PHKA2: variants seen among roughly 807,000 people sequenced by gnomAD.
PHKA2 encodes phosphorylase kinase regulatory subunit alpha 2, also known as phosphorylase b kinase regulatory subunit alpha, liver isoform.
A neutral mutation model predicts 102.0 loss-of-function variants in PHKA2; 31 were observed. The ratio of observed to expected loss-of-function variants is 0.30; its 90% CI spans 0.23 to 0.41. The LOEUF (loss-of-function observed/expected upper bound fraction) is 0.41, where lower values mean the gene tolerates loss of function less well. Among genes scored for constraint, PHKA2 ranks in the 10% least tolerant of loss-of-function variants. The pLI is 1.00. For missense variants in PHKA2, 858 were observed against 1,023.1 expected, an observed-to-expected ratio of 0.84 and a Z score of 2.20; for synonymous variants, 455 against 416.2, an observed-to-expected ratio of 1.09 and a Z score of -1.13.
chrX:18,912,871 A>AT (rs2147875297), intron 19 of PHKA2, among the ~76,000 whole-genome samples: 1 of 110,928 alleles, frequency 9.0e-6, no homozygotes, highest in Non-Finnish European at 1.9e-5. Flanking sequence ...AGATCATGCC[A>AT]TTGCACTCCA....
intron 7 of PHKA2, among the ~76,000 whole-genome samples, chrX:18,942,522 A>G (rs966666901): frequency 2.7e-5 from 3 of 111,297 alleles, no homozygotes; most frequent in African/African-American, 9.8e-5. Context: ...AAGCTCACGC[A>G]TTTCCACTGG....
chrX:18,942,749 G>A (rs756254342), intron 7 of PHKA2, among the ~76,000 whole-genome samples: 93 of 109,396 alleles, frequency 8.5e-4, no homozygotes, highest in Non-Finnish European at 4.4e-4. Flanking sequence ...TTGGGAAGCT[G>A]AGGCGGGAGG....
intron 19 of PHKA2, 71 bp from the exon 20 acceptor site, chrX:18,911,031 A>AGTGAG: frequency 4.6e-6 from 3 of 656,809 alleles, no homozygotes; most frequent in Non-Finnish European, 7.2e-6. Context: ...TTTGAGACAG[A>AGTGAG]ATCTCACTCT....
At chrX:18,902,478 C>T (rs759928004) in intron 26 of PHKA2, among the ~76,000 whole-genome samples, 2 of 108,874 alleles carry the variant, frequency 1.8e-5, no homozygotes, top group East Asian at 6.1e-4. Flanking sequence ...TAAAACATAC[C>T]CGGCCAGGCG....
chrX:18,915,671 T>A (rs891499693), intron 19 of PHKA2: 2 of 109,035 alleles, frequency 1.8e-5, no homozygotes, highest in East Asian at 5.9e-4. Context: ...AGCCACTGCG[T>A]CTGGCCAAGA....
chrX:18,972,760 C>T (rs1282347355), intron 1 of PHKA2, among the ~76,000 whole-genome samples: 2 of 111,724 alleles, frequency 1.8e-5, no homozygotes, highest in East Asian at 5.6e-4. Context: ...ACTCTAGTTC[C>T]AGTCACTTTG....
intron 5 of PHKA2, among the ~76,000 whole-genome samples, chrX:18,947,741 A>G (rs751793825): frequency 8.9e-6 from 1 of 112,655 alleles, no homozygotes; most frequent in Non-Finnish European, 1.9e-5. Flanking sequence ...CTGTAAAAAC[A>G]TGGGACCAAC....
chrX:18,918,841 T>A lies in PHKA2; in HGVS notation c.1977A>T (p.Glu659Asp). ...GAAGGTGGTTGATATAATGGTCAAGTTCGTCTTGGCTTTCTGTAATTGGAC... is the reference window on the plus strand; with the variant it reads ...GAAGGTGGTTGATATAATGGTCAAGATCGTCTTGGCTTTCTGTAATTGGAC... ...EDTCNQESQDELDHYINHLLQ... is the reference protein window; with the variant it reads ...EDTCNQESQDDLDHYINHLLQ... Residue 659 changes from glutamate to aspartate, a missense_variant, in exon 19 of 33, where the codon GAA (glutamate) becomes GAT (aspartate). Physicochemically the swap from Glu to Asp is conservative, Grantham distance 45. This residue lies in a region of PHKA2 where 671 missense variants were observed against 745.2 expected (regional missense o/e 0.90). Coordinates refer to ENST00000379942, the MANE Select transcript of PHKA2 (RefSeq NM_000292.3). 4 of 1,210,852 alleles carry A rather than the reference T, an allele frequency of 3.3e-6. No individual in the cohort carries two copies. Among genetic ancestry groups the A allele is most frequent in the Non-Finnish European group, 4.5e-6 (4 of 894,839 alleles).
intron 3 of PHKA2, 21 bp downstream of exon 3, chrX:18,952,473 A>T: frequency 4.2e-6 from 5 of 1,195,662 alleles, no homozygotes; most frequent in Non-Finnish European, 5.7e-6. Flanking sequence ...CTTGGCAAAC[A>T]CGTGTGTGGG....
chrX:18,967,438 G>C (rs896321240), intron 1 of PHKA2, among the ~76,000 whole-genome samples: 4 of 111,024 alleles, frequency 3.6e-5, no homozygotes, highest in Admixed American at 2.9e-4. Context: ...TTGGAGAGGA[G>C]AGTCTGAAAG....
intron 5 of PHKA2, among the ~76,000 whole-genome samples, chrX:18,946,323 G>A (rs773714683): frequency 4.0e-4 from 45 of 111,210 alleles, no homozygotes; most frequent in African/African-American, 1.4e-3. Flanking sequence ...TTCTTCCCTT[G>A]AGCACTCTTC....
At chrX:18,929,933 C>T (rs1569312666) in intron 12 of PHKA2, among the ~76,000 whole-genome samples, 1 of 112,172 alleles carries the variant, frequency 8.9e-6, no homozygotes, top group Non-Finnish European at 1.9e-5. Context: ...TCATAAGGGC[C>T]CCACTCTAGG....
Position 18,941,582 on chromosome X carries a change from C to T in PHKA2, c.811G>A (p.Glu271Lys). ...GTCACATTTACAAGGTTTACATCTT[C>T]CACTGCAAAGGCCGGGAAGGAAATA... ...SIISFPAFAVEDVNLVNVTKN... is the reference protein window; with the variant it reads ...SIISFPAFAVKDVNLVNVTKN... Residue 271 changes from glutamate to lysine, a missense_variant, in exon 8 of 33, where the codon GAA becomes AAA. Glu to Lys is a moderately conservative substitution (Grantham distance 56). Transcript: ENST00000379942. The T allele has an allele frequency of 1.7e-6, 2 of 1,199,636 alleles. No individual in the cohort carries two copies. The highest frequency in any genetic ancestry group is 2.3e-6 in the Non-Finnish European group (2 of 884,224).
At chrX:18,970,705 T>C (rs2049007790) in intron 1 of PHKA2, among the ~76,000 whole-genome samples, 1 of 112,169 alleles carries the variant, frequency 8.9e-6, no homozygotes, top group Non-Finnish European at 1.9e-5. Context: ...ATTGCTTCAG[T>C]TTCACCATCT....
intron 2 of PHKA2, among the ~76,000 whole-genome samples, chrX:18,953,382 C>G (rs973635897): frequency 2.7e-5 from 3 of 111,793 alleles, no homozygotes; most frequent in Non-Finnish European, 5.6e-5. Context: ...TTGGATAACA[C>G]CAATTTGGTT....
intron 27 of PHKA2, 57 bp downstream of exon 27, chrX:18,901,428 G>A: frequency 1.3e-6 from 1 of 775,327 alleles, no homozygotes; most frequent in Non-Finnish European, 2.0e-6. Context: ...GCTTTCTGGG[G>A]TAAGCCCAGG....
chrX:18,946,624 C>T (rs1339491363), intron 5 of PHKA2, among the ~76,000 whole-genome samples: 1 of 109,734 alleles, frequency 9.1e-6, no homozygotes, highest in African/African-American at 3.3e-5. Flanking sequence ...TTCCTCTGTA[C>T]CCTTTTCCTC....
chrX:18,907,026 G>T lies in PHKA2; in HGVS notation c.2589C>A (p.Ile863=). The part of the protein sequence containing the change: ...VGLPPEPREK[I]ISAPLPPEEL... ...CAAGGCTGAGGACTTACGCAGAGAT[G>T]ATCTTCTCCCGGGGCTCGGGCGGCA... is the stretch of plus-strand genomic sequence containing the variant. The change falls in exon 23 of 33, where the codon ATC becomes ATA. Residue 863 remains isoleucine, a synonymous_variant. Transcript: ENST00000379942. 1 of 1,196,336 alleles carries T rather than the reference G, an allele frequency of 8.4e-7. No individual in the cohort carries two copies. Among genetic ancestry groups the T allele is most frequent in the Non-Finnish European group, 1.1e-6 (1 of 886,927 alleles).
In PHKA2 at chrX:18,907,097, C is replaced by T. The variant is rs769836971; in HGVS notation, c.2518G>A (p.Ala840Thr). The T allele has an allele frequency of 8.5e-7, 1 of 1,177,093 alleles. No individual in the cohort carries two copies. The highest frequency in any genetic ancestry group is 1.9e-5 in the South Asian group (1 of 53,574). Reference sequence around the variant, plus strand: ...TGGTGCGAAAGCAGGTCTGTGCAGGCCTGCGCAGTTAAGGGGAAGGGTGAG... The same window carrying T: ...TGGTGCGAAAGCAGGTCTGTGCAGGTCTGCGCAGTTAAGGGGAAGGGTGAG... ...LRKKVEVLAEACTDLLSHQKQ... is the reference protein window; with the variant it reads ...LRKKVEVLAETCTDLLSHQKQ... The change falls in exon 23 of 33, where the codon GCC (alanine) becomes ACC (threonine). Residue 840 changes from alanine (A) to threonine (T), a missense_variant and splice_region_variant. This residue lies in a region of PHKA2 where 671 missense variants were observed against 745.2 expected (regional missense o/e 0.90). Coordinates refer to ENST00000379942, the MANE Select transcript of PHKA2 (RefSeq NM_000292.3).
Sources: gnomAD v4.1 joint callset for allele counts (sites outside exome capture counted in the v4.1 genomes callset) on GRCh38, gnomAD v4.1.1 for gene constraint, gnomAD v4.1.1 regional missense constraint, MANE v1.5 for transcripts, NCBI Gene and HGNC (gene_info 2026-07-23, HGNC 2026-07-21) for gene names.